GRAMD2B: variants seen among roughly 807,000 people sequenced by gnomAD.
GRAMD2B encodes the protein GRAM domain containing 2B.
GRAMD2B carries 41 observed loss-of-function variants against 59.2 expected under a neutral mutation model. That is an observed-to-expected ratio of 0.69 (90% CI 0.54 to 0.90). The LOEUF (loss-of-function observed/expected upper bound fraction) is 0.90, where lower values mean the gene tolerates loss of function less well. GRAMD2B is among the 40% of genes least tolerant of loss of function. GRAMD2B has a pLI of 0.00. For missense variants in GRAMD2B, 424 were observed against 500.5 expected (o/e 0.85, Z 1.46); for synonymous variants, 161 against 182.7 (o/e 0.88, Z 0.96).
intron 9 of GRAMD2B, chr5:126,483,780 T>G (rs1772328608): frequency 1.9e-6 from 1 of 537,590 alleles, no homozygotes; most frequent in Admixed American, 3.4e-5. Context: ...TCATTTGCTT[T>G]TATGCACATT....
rs1480759711 is a variant in GRAMD2B, at chr5:126,423,665, G to A, written c.59G>A (p.Arg20Lys). The change falls in exon 1 of 14, where the codon AGG becomes AAG. Residue 20 changes from arginine to lysine, a missense_variant. Physicochemically the swap from Arg to Lys is conservative, Grantham distance 26 (BLOSUM62 2). Transcript: ENST00000285689. ...AAGCCTGCGAAAGTGCTCGGGAAGA[G>A]GGAGAGCAAACTTGGCTCAGCCCAG... is the stretch of plus-strand genomic sequence containing the variant. ...DTKPAKVLGKRESKLGSAHSE... is the reference protein window; with the variant it reads ...DTKPAKVLGKKESKLGSAHSE... 6.2e-7 allele frequency: 1 copy of A among 1,609,056 alleles called. No homozygotes were observed. The highest frequency in any genetic ancestry group is 8.5e-7 in the Non-Finnish European group (1 of 1,178,128).
intron 12 of GRAMD2B, 43 bp downstream of exon 12, chr5:126,487,020 TTAATA>T (rs1399125018): frequency 3.9e-6 from 4 of 1,034,828 alleles, no homozygotes; most frequent in Admixed American, 1.8e-5. Context: ...GCCATTCTGC[TTAATA>T]TAATAATTGA....
rs1427184074 is a variant in GRAMD2B at position 126,410,229 on chromosome 5, G to A, written c.125+38662G>A. On this transcript the variant is annotated intron_variant, in intron 1 of 8. Coordinates refer to the GRAMD2B transcript ENST00000506445. The stretch of plus-strand genomic sequence containing the variant: ...AGTTTTTTCCAATTCTGTGAAGAAC[G>A]TCATTGGTAGCTTGATGGGGATGGC... 8.5e-5 allele frequency among the ~76,000 whole-genome samples: 13 copies of A among 152,100 alleles called. 1 individual carries two copies. Among genetic ancestry groups the A allele is most frequent in the East Asian group, 5.8e-4 (3 of 5,172 alleles).
chr5:126,439,940 C>T (rs1222580989), intron 1 of GRAMD2B, among the ~76,000 whole-genome samples: 4 of 152,140 alleles, frequency 2.6e-5, no homozygotes, highest in East Asian at 1.9e-4. Flanking sequence ...CCATGTAAGA[C>T]GTGCCTTTGC....
chr5:126,382,564 C>G (rs755809430), intron 1 of GRAMD2B, among the ~76,000 whole-genome samples: 1 of 151,978 alleles, frequency 6.6e-6, no homozygotes, highest in Non-Finnish European at 1.5e-5. Flanking sequence ...TTTATGCTAT[C>G]TGTTTCTCTG....
chr5:126,432,564 T>C (rs977940728), intron 1 of GRAMD2B, among the ~76,000 whole-genome samples: 3 of 152,228 alleles, frequency 2.0e-5, no homozygotes, highest in African/African-American at 7.2e-5. Flanking sequence ...TATCACTACA[T>C]TGTTTCTATA....
intron 1 of GRAMD2B, among the ~76,000 whole-genome samples, chr5:126,411,827 TTAGA>T (rs1480311099): frequency 8.0e-6 from 1 of 125,738 alleles, no homozygotes; most frequent in Non-Finnish European, 1.8e-5. Flanking sequence ...ACCACATTGG[TTAGA>T]TATATTTCTG....
At chr5:126,420,267 T>C (rs1759619763), upstream of GRAMD2B, among the ~76,000 whole-genome samples, 1 of 152,176 alleles carries the variant, frequency 6.6e-6, no homozygotes, top group African/African-American at 2.4e-5. Context: ...CTCTATTTTG[T>C]CACATGGCAA....
intron 9 of GRAMD2B, 48 bp downstream of exon 9, chr5:126,483,622 C>A: frequency 7.5e-6 from 7 of 935,954 alleles, no homozygotes; most frequent in Non-Finnish European, 1.0e-5. Context: ...CCCCTCAAAA[C>A]ATCCTCACCC....
At chr5:126,433,248 A>G (rs1181788283) in intron 1 of GRAMD2B, among the ~76,000 whole-genome samples, 3 of 152,232 alleles carry the variant, frequency 2.0e-5, no homozygotes, top group Admixed American at 1.3e-4. Flanking sequence ...TACTATTTCC[A>G]TCACATTTTA....
At chr5:126,419,352 G>C (rs1759523077), upstream of GRAMD2B, among the ~76,000 whole-genome samples, 2 of 151,970 alleles carry the variant, frequency 1.3e-5, no homozygotes, top group South Asian at 4.2e-4. Context: ...GAGCGAAAAG[G>C]GGGAGGTGCT....
At chr5:126,426,407 G>A (rs978431051) in intron 1 of GRAMD2B, among the ~76,000 whole-genome samples, 2 of 151,938 alleles carry the variant, frequency 1.3e-5, no homozygotes, top group African/African-American at 2.4e-5. Context: ...TGCTCACCTT[G>A]TACATATGTG....
intron 1 of GRAMD2B, among the ~76,000 whole-genome samples, chr5:126,397,425 A>G (rs906873018): frequency 2.6e-5 from 4 of 151,984 alleles, no homozygotes; most frequent in Admixed American, 1.3e-4. Flanking sequence ...GAGTTTTTCC[A>G]TGTTGCCCAG....
Position 126,404,874 on chromosome 5 carries a change from A to G in GRAMD2B, c.125+33307A>G, listed in dbSNP as rs555849667. ...TATACAACATAATAACAAAAAATAA[A>G]TCATGAATACTCATAGGACACTTTC... On this transcript the variant is annotated intron_variant, in intron 1 of 8. Transcript: ENST00000506445. Among the ~76,000 whole-genome samples the G allele has an allele frequency of 2.7e-4, 41 of 152,056 alleles. No individual in the cohort carries two copies. The South Asian group carries it at 6.4e-3, about 24-fold the overall frequency.
At chr5:126,414,147 A>T (rs930161640) in intron 1 of GRAMD2B, among the ~76,000 whole-genome samples, 1 of 152,154 alleles carries the variant, frequency 6.6e-6, no homozygotes. Context: ...AATACAGCTA[A>T]GAAGCCAGGA....
intron 1 of GRAMD2B, chr5:126,458,968 T>C (rs989431522): frequency 2.0e-5 from 3 of 152,322 alleles, no homozygotes; most frequent in Admixed American, 6.5e-5. Context: ...CGCTTTCCGT[T>C]TTTCCATATT....
At chr5:126,385,880 G>A (rs1336080105) in intron 1 of GRAMD2B, among the ~76,000 whole-genome samples, 1 of 152,070 alleles carries the variant, frequency 6.6e-6, no homozygotes, top group East Asian at 1.9e-4. Flanking sequence ...AGAGGGAGAG[G>A]GAGAGGTAGA....
At chr5:126,468,715 T>C (rs1768941578) in intron 2 of GRAMD2B, among the ~76,000 whole-genome samples, 1 of 152,160 alleles carries the variant, frequency 6.6e-6, no homozygotes, top group African/African-American at 2.4e-5. Flanking sequence ...CTCAAACTCC[T>C]GACCTCAGGT....
intron 6 of GRAMD2B, among the ~76,000 whole-genome samples, chr5:126,479,326 C>G (rs568973365): frequency 6.3e-4 from 96 of 152,174 alleles, no homozygotes; most frequent in Middle Eastern, 6.8e-3. Context: ...AGGCATGAAC[C>G]ACCATGACTG....
Sources: gnomAD v4.1 joint callset for allele counts (sites outside exome capture counted in the v4.1 genomes callset) on GRCh38, gnomAD v4.1.1 for gene constraint, MANE v1.5 for transcripts, NCBI Gene and HGNC (gene_info 2026-07-23, HGNC 2026-07-21) for gene names.